GRM1: variants seen among roughly 807,000 people sequenced by gnomAD.
The protein encoded by GRM1 is metabotropic glutamate receptor 1.
A neutral mutation model predicts 90.9 loss-of-function variants in GRM1; 33 were observed. The observed-to-expected ratio is 0.36, with a 90% confidence interval of 0.28 to 0.49. GRM1 has a LOEUF of 0.49. Ranked by LOEUF, GRM1 falls within the 20% of genes least tolerant of loss-of-function variation. The pLI is 0.99. For synonymous variants in GRM1, 700 were observed against 613.2 expected (o/e 1.14, Z -2.09); for missense variants, 1,190 against 1,534.3 (o/e 0.78, Z 3.75).
At chr6:146,225,876 G>A (rs1011578077) in intron 2 of GRM1, among the ~76,000 whole-genome samples, 1 of 152,072 alleles carries the variant, frequency 6.6e-6, no homozygotes, top group African/African-American at 2.4e-5. Flanking sequence ...GTATAAATGA[G>A]TATGGCAAAT....
chr6:146,257,232 A>G (rs1396906991), intron 2 of GRM1, among the ~76,000 whole-genome samples: 1 of 152,148 alleles, frequency 6.6e-6, no homozygotes, highest in African/African-American at 2.4e-5. Context: ...TTTAAAATTT[A>G]TAATGGGACT....
rs1344766407 is a variant in GRM1 at position 146,399,493 on chromosome 6, A to C, written c.2454A>C (p.Ala818=). 1.9e-6 allele frequency: 3 copies of C among 1,614,044 alleles called. No homozygotes were observed. The highest frequency in any genetic ancestry group is 2.5e-6 in the Non-Finnish European group (3 of 1,180,002). The change falls in exon 7 of 8, where the codon GCA becomes GCC. Residue 818 remains alanine (A), a synonymous_variant. Coordinates refer to ENST00000282753, the MANE Select transcript of GRM1 (RefSeq NM_001278064.2). The surrounding 1 kb of genome is among the most constrained non-coding windows in gnomAD (Gnocchi z 5.4). Reference sequence around the variant, plus strand: ...ACAAGATCATCACAACTTGCTTTGCAGTGAGTCTCAGTGTAACAGTGGCTC... The same window carrying C: ...ACAAGATCATCACAACTTGCTTTGCCGTGAGTCTCAGTGTAACAGTGGCTC... The part of the protein sequence containing the change: ...SNYKIITTCF[A]VSLSVTVALG...
intron 3 of GRM1, among the ~76,000 whole-genome samples, chr6:146,318,286 T>C (rs1240289785): frequency 6.6e-6 from 1 of 152,190 alleles, no homozygotes; most frequent in African/African-American, 2.4e-5. Flanking sequence ...TTGCTGAGAA[T>C]GATGGTTTCC....
intron 2 of GRM1, among the ~76,000 whole-genome samples, chr6:146,277,690 T>C (rs770669199): frequency 2.6e-5 from 4 of 152,214 alleles, no homozygotes; most frequent in Non-Finnish European, 5.9e-5. Context: ...TTTTAATCTG[T>C]ATCCATTTGT....
intron 1 of GRM1, among the ~76,000 whole-genome samples, chr6:146,085,340 A>G (rs1185701407): frequency 6.6e-6 from 1 of 152,136 alleles, no homozygotes; most frequent in Admixed American, 6.5e-5. Context: ...ATGACACAAA[A>G]CAGTAAAAGA....
intron 3 of GRM1, among the ~76,000 whole-genome samples, chr6:146,334,995 A>G (rs948159532): frequency 2.0e-5 from 3 of 152,192 alleles, no homozygotes; most frequent in Non-Finnish European, 4.4e-5. Context: ...GCCAAAATTT[A>G]ATGAGAAAAA....
chr6:146,066,308 G>T (rs1775846115), intron 1 of GRM1, among the ~76,000 whole-genome samples: 1 of 152,250 alleles, frequency 6.6e-6, no homozygotes, highest in African/African-American at 2.4e-5. Context: ...ATTTATAAGT[G>T]AGAACACATG....
At chr6:146,314,564 G>T (rs895490055) in intron 3 of GRM1, among the ~76,000 whole-genome samples, 2 of 152,052 alleles carry the variant, frequency 1.3e-5, no homozygotes, top group African/African-American at 4.8e-5. Flanking sequence ...GCATCATGTG[G>T]TAAGTGTGTG....
intron 1 of GRM1, among the ~76,000 whole-genome samples, chr6:146,040,678 GA>G (rs1791066304): frequency 1.3e-5 from 2 of 151,910 alleles, no homozygotes; most frequent in African/African-American, 4.8e-5. Context: ...CTCCTTTTGG[GA>G]TTATCAACTT....
intron 7 of GRM1, among the ~76,000 whole-genome samples, chr6:146,425,221 G>A (rs764820899): frequency 9.9e-5 from 15 of 152,128 alleles, no homozygotes; most frequent in Non-Finnish European, 2.1e-4. Context: ...AATGTGCTAT[G>A]GAAAATCTTT....
chr6:146,127,633 T>C (rs181424824), intron 1 of GRM1, among the ~76,000 whole-genome samples: 17 of 152,310 alleles, frequency 1.1e-4, no homozygotes, highest in Middle Eastern at 3.4e-3. Flanking sequence ...ACTTTCCATC[T>C]TCTAAATTGC....
At chr6:146,170,800 CT>C (rs902731254) in intron 2 of GRM1, among the ~76,000 whole-genome samples, 10 of 149,828 alleles carry the variant, frequency 6.7e-5, no homozygotes, top group Admixed American at 6.7e-5. Context: ...TGGTTGCCTG[CT>C]TTTTTTTTGC....
rs185340171 is a variant in GRM1, at chr6:146,268,369, G to T, written c.951-36242G>T. 1.8e-3 allele frequency among the ~76,000 whole-genome samples: 274 copies of T among 152,134 alleles called. 2 individuals are homozygous for T. The highest frequency in any genetic ancestry group is 6.0e-3 in the African/African-American group (251 of 41,506). ...CTCCTTCATGACTTCTTTTCCAAAG[G>T]CTTTCTTAATTCCTGGTGCTGTTTC... On this transcript the variant is annotated intron_variant, in intron 2 of 7. Transcript: ENST00000282753.
intron 3 of GRM1, among the ~76,000 whole-genome samples, chr6:146,337,156 G>A (rs1001261467): frequency 6.6e-6 from 1 of 152,186 alleles, no homozygotes; most frequent in African/African-American, 2.4e-5. Context: ...CAGCAGTCCA[G>A]GCAGTACTCC....
intron 2 of GRM1, among the ~76,000 whole-genome samples, chr6:146,260,988 A>G (rs1781678319): frequency 6.6e-6 from 1 of 151,836 alleles, no homozygotes; most frequent in African/African-American, 2.4e-5. Flanking sequence ...ACATTGAGTG[A>G]AAGCCATTAA....
At chr6:146,122,847 T>C (rs1197521342) in intron 1 of GRM1, among the ~76,000 whole-genome samples, 2 of 138,580 alleles carry the variant, frequency 1.4e-5, no homozygotes, top group South Asian at 2.4e-4. Context: ...TTCTTTTTTT[T>C]TTTTTTTTTT....
chr6:146,225,047 A>G (rs1469728426), intron 2 of GRM1, among the ~76,000 whole-genome samples: 2 of 151,930 alleles, frequency 1.3e-5, no homozygotes, highest in Admixed American at 6.6e-5. Flanking sequence ...TACTCTTCCA[A>G]TTTTTCTCTG....
chr6:146,236,271 T>C (rs982534761), intron 2 of GRM1, among the ~76,000 whole-genome samples: 7 of 152,198 alleles, frequency 4.6e-5, no homozygotes, highest in African/African-American at 7.2e-5. Flanking sequence ...AAGTACTGAA[T>C]AGCCACATGT....
At chr6:146,368,529 T>G (rs1368906085) in intron 5 of GRM1, among the ~76,000 whole-genome samples, 3 of 152,128 alleles carry the variant, frequency 2.0e-5, no homozygotes, top group South Asian at 4.1e-4. Flanking sequence ...ATGGCCTTAT[T>G]ATGTTGACAG....
Sources: gnomAD v4.1 joint callset for allele counts (sites outside exome capture counted in the v4.1 genomes callset) on GRCh38, gnomAD v4.1.1 for gene constraint, Gnocchi (gnomAD v3.1) non-coding constraint, MANE v1.5 for transcripts, NCBI Gene and HGNC (gene_info 2026-07-23, HGNC 2026-07-21) for gene names.